The following CST2 variants were observed in gnomAD, a reference collection of about 807,000 sequenced individuals.
CST2 encodes the protein cystatin SA.
CST2 carries 26 observed loss-of-function variants against 13.4 expected under a neutral mutation model. The observed-to-expected ratio is 1.95, with a 90% CI of 1.43 to 2.70. The LOEUF (loss-of-function observed/expected upper bound fraction) is 2.70. Ranked by LOEUF, CST2 falls within the 30% of genes most tolerant of loss-of-function variation. The probability of loss-of-function intolerance (pLI) is 0.00; values close to 1 mark genes in which losing one functional copy is unlikely to be tolerated. For synonymous variants in CST2, 105 were observed against 71.1 expected (o/e 1.48, Z -2.40); for missense variants, 243 against 173.4 (o/e 1.40, Z -2.25).
chr20:23,825,326 A>G lies in CST2; in HGVS notation c.229-3T>C, dbSNP rs149508924. The G allele has an allele frequency of 3.6e-4, 580 of 1,614,056 alleles. 1 individual carries two copies. The African/African-American group carries it at 6.5e-3, about 18-fold the overall frequency. ...AAGTAATTCACCCCGCCCACGATCT[A>G]CACACATGAGAAAACAGGATGCACG... On this transcript the variant is annotated splice_polypyrimidine_tract_variant and splice_region_variant and intron_variant, in intron 1 of 2. Transcript: ENST00000304725.
In CST2 at chr20:23,825,259, T is replaced by G. The variant is rs747555014; in HGVS notation, c.293A>C (p.Gln98Pro). Residue 98 changes from glutamine to proline, a missense_variant, in exon 2 of 3, where the codon CAG becomes CCG. Gln to Pro is a moderately conservative substitution (Grantham distance 76). Coordinates refer to ENST00000304725, the MANE Select transcript of CST2 (RefSeq NM_001322.3). ...GAAGGCACAGGTGTCCAAGTTGGGC[T>G]GGGACTTGGTACATATGGTTCGGCC... ...EVGRTICTKS[Q>P]PNLDTCAFHE... is the part of the protein sequence containing the mutation. 6.2e-7 allele frequency: 1 copy of G among 1,614,070 alleles called. No individual in the cohort carries two copies. Among genetic ancestry groups the G allele is most frequent in the Admixed American group, 1.7e-5 (1 of 60,020 alleles).
intron 1 of CST2, among the ~76,000 whole-genome samples, chr20:23,826,219 T>C (rs902249673): frequency 6.6e-6 from 1 of 152,206 alleles, no homozygotes; most frequent in African/African-American, 2.4e-5. Context: ...GATCTCATCC[T>C]GAGCAGCATC....
rs1281729383 is a variant in CST2, at chr20:23,826,563, C to G, written c.98G>C (p.Gly33Ala). 6.2e-7 allele frequency: 1 copy of G among 1,614,056 alleles called. No homozygotes were observed. Among genetic ancestry groups the G allele is most frequent in the African/African-American group, 1.3e-5 (1 of 75,040 alleles). The change falls in exon 1 of 3, where the codon GGC becomes GCC. Residue 33 changes from glycine (G) to alanine (A), a missense_variant. Transcript: ENST00000304725. Reference sequence around the variant, plus strand: ...ATCATTGAGGTCTGCATCATAGATGCCACCCTCGATTATCCTGTCCTCCTC... The same window carrying G: ...ATCATTGAGGTCTGCATCATAGATGGCACCCTCGATTATCCTGTCCTCCTC... Reference protein sequence around the residue: ...PQEEDRIIEGGIYDADLNDER... With the variant: ...PQEEDRIIEGAIYDADLNDER...
In CST2 at chr20:23,823,827, T is replaced by A. The variant is rs1984738996; in HGVS notation, c.*193A>T. ...GTGTGTGTACCATGTACCAGGGCTATGAGAAGCAAAAGGAAGGAGGGAGGG... is the reference window on the plus strand; with the variant it reads ...GTGTGTGTACCATGTACCAGGGCTAAGAGAAGCAAAAGGAAGGAGGGAGGG... On this transcript the variant is annotated 3_prime_UTR_variant, in exon 3 of 3. Coordinates refer to ENST00000304725, the MANE Select transcript of CST2 (RefSeq NM_001322.3). The A allele has an allele frequency of 4.9e-6, 3 of 607,964 alleles. No individual in the cohort carries two copies. In the East Asian group the frequency reaches 8.3e-5, roughly 17 times the overall value. The allele number at this position is 607,964 out of a possible 1,614,324, so 37.7% of individuals were successfully genotyped here. A position where few individuals can be genotyped will look rare whatever the true frequency, so the allele number is the denominator to read the frequency against.
Position 23,825,217 on chromosome 20 carries a change from A to C in CST2, c.335T>G (p.Leu112Arg), listed in dbSNP as rs901163786. 6.2e-7 allele frequency: 1 copy of C among 1,614,018 alleles called. No homozygotes were observed. Among genetic ancestry groups the C allele is most frequent in the African/African-American group, 1.3e-5 (1 of 74,916 alleles). Residue 112 changes from leucine to arginine, a missense_variant, in exon 2 of 3, where the codon CTG (leucine) becomes CGG (arginine). By Grantham distance (102) the Leu-to-Arg change is moderately radical. Coordinates refer to ENST00000304725, the MANE Select transcript of CST2 (RefSeq NM_001322.3). ...CCCGCATCAGGAACGTACCTTCTGCAGTTCTGGCTGTTCATGGAAGGCACA... is the reference window on the plus strand; with the variant it reads ...CCCGCATCAGGAACGTACCTTCTGCCGTTCTGGCTGTTCATGGAAGGCACA... ...DTCAFHEQPE[L>R]QKKQLCSFQI...
chr20:23,824,151 G>T (rs756718253), intron 2 of CST2, 48 bp from the exon 3 acceptor site: 5 of 1,594,636 alleles, frequency 3.1e-6, no homozygotes, highest in Non-Finnish European at 4.3e-6. Context: ...TACAGTTAAA[G>T]GGGAAGTCAC....
rs371142839 is a variant in CST2 at position 23,825,296 on chromosome 20, C to A, written c.256G>T (p.Asp86Tyr). 9 of 1,486,066 alleles carry A rather than the reference C, an allele frequency of 6.1e-6. No individual in the cohort carries two copies. The East Asian group carries it at 1.0e-4, about 17-fold the overall frequency. The allele number at this position is 1,486,066 out of a possible 1,614,324, so 92.1% of individuals were successfully genotyped here. A position where few individuals can be genotyped will look rare whatever the true frequency, so the allele number is the denominator to read the frequency against. ...QIVGGVNYFF[D>Y]IEVGRTICTK... is the part of the protein sequence containing the mutation. ...CATATGGTTCGGCCCACCTCTATGT[C>A]GAAGAAGTAATTCACCCCGCCCACG... Residue 86 changes from aspartate (D) to tyrosine (Y), a missense_variant, in exon 2 of 3, where the codon GAC becomes TAC. Coordinates refer to ENST00000304725, the MANE Select transcript of CST2 (RefSeq NM_001322.3).
intron 1 of CST2, 42 bp downstream of exon 1, chr20:23,826,391 A>T (rs4407312): frequency 2.6e-5 from 40 of 1,552,348 alleles, no homozygotes; most frequent in South Asian, 1.1e-5. Context: ...GGCAACAAAC[A>T]AGGCTGGGAC....
In CST2 at chr20:23,823,927, C is replaced by T. The variant is rs1051346761; in HGVS notation, c.*93G>A. On this transcript the variant is annotated 3_prime_UTR_variant, in exon 3 of 3. Transcript: ENST00000304725. ...CTCCTGCTGCAGGTGCATGGGGAGA[C>T]CTCCCACAGGGTGGGGGCCACCAGT... 1 of 1,238,148 alleles carries T rather than the reference C, an allele frequency of 8.1e-7. No homozygotes were observed. The highest frequency in any genetic ancestry group is 1.5e-5 in the South Asian group (1 of 64,570). 76.7% of individuals were successfully genotyped at this position (1,238,148 alleles called of 1,614,324 possible).
rs751594981 is a variant in CST2, at chr20:23,826,551, G to C, written c.110C>G (p.Ala37Gly). 4 of 1,614,134 alleles carry C rather than the reference G, an allele frequency of 2.5e-6. No individual in the cohort carries two copies. The South Asian group carries it at 4.4e-5, about 18-fold the overall frequency. ...CTGTACCCGCTCATCATTGAGGTCTGCATCATAGATGCCACCCTCGATTAT... is the reference window on the plus strand; with the variant it reads ...CTGTACCCGCTCATCATTGAGGTCTCCATCATAGATGCCACCCTCGATTAT... ...DRIIEGGIYD[A>G]DLNDERVQRA... Residue 37 changes from alanine (A) to glycine (G), a missense_variant, in exon 1 of 3, where the codon GCA (alanine) becomes GGA (glycine). Coordinates refer to ENST00000304725, the MANE Select transcript of CST2 (RefSeq NM_001322.3).
intron 1 of CST2, among the ~76,000 whole-genome samples, chr20:23,825,869 G>T (rs1488581022): frequency 1.3e-5 from 2 of 152,188 alleles, no homozygotes; most frequent in African/African-American, 4.8e-5. Context: ...CTCTGCCATG[G>T]GATGCAGGTA....
chr20:23,824,025 C>A lies in CST2; in HGVS notation c.421G>T (p.Ala141Ser), dbSNP rs139220979. Reference sequence around the variant, plus strand: ...TGACTCCCTGGCACAGATCCCTAGGCTTCTTGACACCTGGAATTCACCAGG... The same window carrying A: ...TGACTCCCTGGCACAGATCCCTAGGATTCTTGACACCTGGAATTCACCAGG... ...MSLVNSRCQE[A>S] The change falls in exon 3 of 3, where the codon GCC (alanine) becomes TCC (serine). Residue 141 changes from alanine to serine, a missense_variant. Transcript: ENST00000304725. 1.6e-5 allele frequency: 26 copies of A among 1,614,052 alleles called. No homozygotes were observed. The highest frequency in any genetic ancestry group is 1.3e-4 in the East Asian group (6 of 44,868).
In CST2 at chr20:23,826,503, C is replaced by T; in HGVS notation, c.158G>A (p.Ser53Asn). The T allele has an allele frequency of 1.9e-6, 3 of 1,614,208 alleles. No individual in the cohort carries two copies. Among genetic ancestry groups the T allele is most frequent in the Non-Finnish European group, 2.5e-6 (3 of 1,180,026 alleles). Residue 53 changes from serine (S) to asparagine (N), a missense_variant, in exon 1 of 3, where the codon AGC becomes AAC. Ser to Asn is a conservative substitution (Grantham distance 46). Transcript: ENST00000304725. ...RVQRALHFVI[S>N]EYNKATEDEY... The stretch of plus-strand genomic sequence containing the variant: ...ATCTTCAGTGGCCTTGTTATACTCG[C>T]TGATGACAAAGTGAAGGGCACGCTG...
chr20:23,826,722 CG>C lies in CST2; in HGVS notation c.-63del. 6.8e-7 allele frequency: 1 copy of C among 1,462,516 alleles called. No individual in the cohort carries two copies. The highest frequency in any genetic ancestry group is 9.2e-7 in the Non-Finnish European group (1 of 1,088,096). The allele number at this position is 1,462,516 out of a possible 1,614,324, so 90.6% of individuals were successfully genotyped here. On this transcript the variant is annotated 5_prime_UTR_variant, in exon 1 of 3. Coordinates refer to ENST00000304725, the MANE Select transcript of CST2 (RefSeq NM_001322.3). ...AGGAGAGGAGGTTGAGAGCCTGAGG[CG>C]GGGATCCCAGACCAGCAGGCAGCTG...
At chr20:23,826,251 A>T (rs1263420735) in intron 1 of CST2, among the ~76,000 whole-genome samples, 182 bp downstream of exon 1, 1 of 152,190 alleles carries the variant, frequency 6.6e-6, no homozygotes, top group Non-Finnish European at 1.5e-5. Flanking sequence ...GAGTCAGCAT[A>T]GTCTCCATCC....
chr20:23,824,614 C>T (rs1157869349), intron 2 of CST2, among the ~76,000 whole-genome samples: 4 of 152,128 alleles, frequency 2.6e-5, no homozygotes, highest in African/African-American at 4.8e-5. Context: ...TTGGGTGAGC[C>T]GGGCAGGTCC....
chr20:23,824,185 G>A (rs1297084817), intron 2 of CST2, 82 bp from the exon 3 acceptor site: 4 of 1,420,976 alleles, frequency 2.8e-6, no homozygotes, highest in South Asian at 2.4e-5. Flanking sequence ...GTCACAGCCT[G>A]AGTGAGGAGG....
chr20:23,824,100 G>A lies in CST2; in HGVS notation c.346C>T (p.Gln116Ter). 1.2e-6 allele frequency: 2 copies of A among 1,614,014 alleles called. No homozygotes were observed. Among genetic ancestry groups the A allele is most frequent in the African/African-American group, 1.3e-5 (1 of 75,028 alleles). Residue 116 changes from glutamine (Q) to a stop codon, truncating the protein, a stop_gained, in exon 3 of 3, where the codon CAG becomes TAG. Coordinates refer to ENST00000304725, the MANE Select transcript of CST2 (RefSeq NM_001322.3). LOFTEE classifies it high-confidence loss of function. ...TCGTAGATCTGGAAAGAGCACAACTGTTTCTGTGAAAGGGAAGAGAGAGGG... is the reference window on the plus strand; with the variant it reads ...TCGTAGATCTGGAAAGAGCACAACTATTTCTGTGAAAGGGAAGAGAGAGGG... ...FHEQPELQKK[Q>*]LCSFQIYEVP...
intron 1 of CST2, among the ~76,000 whole-genome samples, chr20:23,826,167 C>T (rs1354318185): frequency 6.6e-6 from 1 of 152,148 alleles, no homozygotes; most frequent in Non-Finnish European, 1.5e-5. Context: ...TGTGTGGCCC[C>T]TGAGGAGAGG....
Sources: gnomAD v4.1 joint callset for allele counts (sites outside exome capture counted in the v4.1 genomes callset) on GRCh38, gnomAD v4.1.1 for gene constraint, MANE v1.5 for transcripts, NCBI Gene and HGNC (gene_info 2026-07-23, HGNC 2026-07-21) for gene names.